The following CCNK variants were observed in gnomAD, a reference collection of about 807,000 sequenced individuals.
CCNK encodes the protein cyclin-K.
CCNK carries 9 observed loss-of-function variants against 65.0 expected under a neutral mutation model. That is an observed-to-expected ratio of 0.14 (90% CI 0.08 to 0.24). The LOEUF (loss-of-function observed/expected upper bound fraction) is 0.24, where lower values mean the gene tolerates loss of function less well. CCNK is among the 10% of genes least tolerant of loss of function. CCNK has a pLI of 1.00. For missense variants in CCNK, 474 were observed against 720.0 expected (o/e 0.66, Z 3.91); for synonymous variants, 279 against 270.8 (o/e 1.03, Z -0.30).
intron 1 of CCNK, among the ~76,000 whole-genome samples, chr14:99,482,627 G>A (rs1456292740): frequency 6.6e-6 from 1 of 152,098 alleles, no homozygotes; most frequent in Non-Finnish European, 1.5e-5. Flanking sequence ...ATTATATTGT[G>A]ATGCATTATT....
chr14:99,506,272 G>A (rs1896972864), intron 9 of CCNK: 1 of 152,274 alleles, frequency 6.6e-6, no homozygotes, highest in East Asian at 1.9e-4. Context: ...TGGTGTACAA[G>A]CCAGAAGAAA....
intron 1 of CCNK, among the ~76,000 whole-genome samples, chr14:99,481,807 C>T (rs1011833966): frequency 6.6e-6 from 1 of 152,258 alleles, no homozygotes; most frequent in African/African-American, 2.4e-5. Context: ...CGCGCACAGT[C>T]TCACAGCCAC....
intron 3 of CCNK, among the ~76,000 whole-genome samples, 155 bp downstream of exon 3, chr14:99,493,750 T>G (rs1179131914): frequency 2.0e-5 from 3 of 152,208 alleles, no homozygotes; most frequent in African/African-American, 7.2e-5. Flanking sequence ...AAGTTTGAAC[T>G]TTTTTTATTC....
chr14:99,485,071 T>C (rs1454887148), intron 1 of CCNK, among the ~76,000 whole-genome samples: 1 of 152,236 alleles, frequency 6.6e-6, no homozygotes, highest in Non-Finnish European at 1.5e-5. Context: ...AACAGGTTTA[T>C]AGACCTGAGG....
intron 9 of CCNK, chr14:99,505,743 G>A (rs1371852167): frequency 6.6e-6 from 1 of 152,220 alleles, no homozygotes; most frequent in Non-Finnish European, 1.5e-5. Context: ...TATGGTCCCA[G>A]CTACTTGGGA....
chr14:99,487,470 C>T (rs1305210361), intron 1 of CCNK, among the ~76,000 whole-genome samples: 4 of 152,114 alleles, frequency 2.6e-5, no homozygotes, highest in African/African-American at 9.7e-5. Context: ...CCAAATGTCC[C>T]CTGGGGGGCA....
chr14:99,503,193 C>T, intron 8 of CCNK: 1 of 707,728 alleles, frequency 1.4e-6, no homozygotes, highest in Non-Finnish European at 2.5e-6. Context: ...AGGGGGCTCT[C>T]TGCCCGGCTC....
Position 99,492,848 on chromosome 14 carries a change from C to T in CCNK, c.171C>T (p.Ile57=). 6.2e-7 allele frequency: 1 copy of T among 1,605,012 alleles called. No homozygotes were observed. Among genetic ancestry groups the T allele is most frequent in the East Asian group, 2.2e-5 (1 of 44,806 alleles). ...ACCGCCGAGAGGGCGCTCGGTTCAT[C>T]TTTGATGTGGGCACACGTTTGGGGC... ...ARYRREGARF[I]FDVGTRLGLH... is the part of the protein sequence containing the mutation. The change falls in exon 2 of 11, where the codon ATC becomes ATT. Residue 57 remains isoleucine (I), a synonymous_variant. Transcript: ENST00000389879.
Position 99,512,383 on chromosome 14 carries a change from A to AAAAT in CCNK, c.*1603_*1606dup, listed in dbSNP as rs1217427029. ...ACAAATACTTTGCCCCACAGTATGA[A>AAAAT]AAATATACACCTCTACCGCTCTGCA... On this transcript the variant is annotated 3_prime_UTR_variant, in exon 11 of 11. Coordinates refer to ENST00000389879, the MANE Select transcript of CCNK (RefSeq NM_001099402.2). The AAAAT allele has an allele frequency of 2.6e-5, 4 of 152,290 alleles. No homozygotes were observed. Among genetic ancestry groups the AAAAT allele is most frequent in the South Asian group, 2.1e-4 (1 of 4,816 alleles). The allele number at this position is 152,290 out of a possible 1,614,324, so 9.4% of individuals were successfully genotyped here.
intron 1 of CCNK, chr14:99,481,689 G>C (rs1334816447): frequency 1.3e-5 from 5 of 388,100 alleles, no homozygotes; most frequent in Non-Finnish European, 2.3e-5. Flanking sequence ...GCCGGGGCGG[G>C]GCAGGGAGGC....
Position 99,510,248 on chromosome 14 carries a change from T to TCCGGCCCCCC in CCNK, c.1216_1217insCCCCCGGCCC (p.His406ProfsTer181). ...ACCTCCCCAAAGTCCAGATTCCCCC[T>TCCGGCCCCCC]CCGGCCCACCCGGCCCCTGTGCACC... is the stretch of plus-strand genomic sequence containing the variant. On this transcript the variant is annotated frameshift_variant, in exon 11 of 11. Coordinates refer to ENST00000389879, the MANE Select transcript of CCNK (RefSeq NM_001099402.2). LOFTEE classifies it high-confidence loss of function. 6.5e-7 allele frequency: 1 copy of TCCGGCCCCCC among 1,546,688 alleles called. No homozygotes were observed.
chr14:99,503,498 G>C, intron 8 of CCNK, 113 bp from the exon 9 acceptor site: 1 of 847,086 alleles, frequency 1.2e-6, no homozygotes. Context: ...ATTTTTGTCC[G>C]AGGCTGTTCA....
intron 5 of CCNK, 127 bp downstream of exon 5, chr14:99,500,998 C>T (rs1287730240): frequency 3.0e-6 from 2 of 667,030 alleles, no homozygotes; most frequent in Non-Finnish European, 2.6e-6. Flanking sequence ...AAGGGCATGG[C>T]TTGCTCAGTC....
At chr14:99,500,560 T>C (rs1025450618) in intron 4 of CCNK, 1 of 539,444 alleles carries the variant, frequency 1.9e-6, no homozygotes, top group African/African-American at 2.0e-5. Context: ...ATTACACCTC[T>C]GCTTTGTCTT....
Position 99,483,613 on chromosome 14 carries a change from T to C in CCNK, c.-53+2134T>C, listed in dbSNP as rs189187479. Among the ~76,000 whole-genome samples the C allele has an allele frequency of 7.8e-4, 119 of 152,294 alleles. 1 individual carries two copies. Among genetic ancestry groups the C allele is most frequent in the South Asian group, 3.3e-3 (16 of 4,828 alleles). On this transcript the variant is annotated intron_variant, in intron 1 of 10. Transcript: ENST00000389879. ...TTACAGTTTACTAGACTGGTGGTGA[T>C]TGGGGATTGTTGGACATAAGTTCAT...
At chr14:99,506,821 A>C (rs1896987397) in intron 9 of CCNK, 2 of 459,760 alleles carry the variant, frequency 4.4e-6, no homozygotes, top group African/African-American at 4.0e-5. Context: ...GTGGTCAGCA[A>C]GGAAACTTAG....
Position 99,502,942 on chromosome 14 carries a change from C to G in CCNK, c.969C>G (p.Pro323=). ...AGCCAGCCCAACAGCCCAAGAAACCCTCTCCGCAGCCCAGTTCTCCCCGAC... is the reference window on the plus strand; with the variant it reads ...AGCCAGCCCAACAGCCCAAGAAACCGTCTCCGCAGCCCAGTTCTCCCCGAC... ...QQQPAQQPKK[P]SPQPSSPRQV... is the part of the protein sequence containing the mutation. The change falls in exon 8 of 11, where the codon CCC becomes CCG. Residue 323 remains proline, a synonymous_variant. Transcript: ENST00000389879. 2.5e-6 allele frequency: 4 copies of G among 1,613,966 alleles called. No homozygotes were observed. Among genetic ancestry groups the G allele is most frequent in the Non-Finnish European group, 3.4e-6 (4 of 1,179,884 alleles).
At chr14:99,496,928 T>TG (rs1295310993) in intron 4 of CCNK, among the ~76,000 whole-genome samples, 4 of 23,848 alleles carry the variant, frequency 1.7e-4, no homozygotes, top group African/African-American at 3.9e-4. Flanking sequence ...AAAAAAAAAA[T>TG]GCTTTTTTTT....
At position 99,511,509 on chromosome 14, in the gene CCNK, G is replaced by GAAACT. The variant is rs1220488048; in HGVS notation, c.*729_*733dup. 6 of 152,570 alleles carry GAAACT rather than the reference G, an allele frequency of 3.9e-5. No individual in the cohort carries two copies. Among genetic ancestry groups the GAAACT allele is most frequent in the Non-Finnish European group, 8.8e-5 (6 of 68,048 alleles). 9.5% of individuals were successfully genotyped at this position (152,570 alleles called of 1,614,324 possible). On this transcript the variant is annotated 3_prime_UTR_variant, in exon 11 of 11. Coordinates refer to ENST00000389879, the MANE Select transcript of CCNK (RefSeq NM_001099402.2). ...CAGTTATCCAAATAAAAGCAGTTCT[G>GAAACT]AAACTATCCCTTTCTTTGTTATGGG...
Sources: gnomAD v4.1 joint callset for allele counts (sites outside exome capture counted in the v4.1 genomes callset) on GRCh38, gnomAD v4.1.1 for gene constraint, MANE v1.5 for transcripts, NCBI Gene and HGNC (gene_info 2026-07-23, HGNC 2026-07-21) for gene names.